Variants in SMC6 observed in about 807,000 individuals in gnomAD.
The protein encoded by SMC6 is structural maintenance of chromosomes 6, also known as structural maintenance of chromosomes protein 6.
SMC6 carries 79 observed loss-of-function variants against 142.2 expected under a neutral mutation model. The ratio of observed to expected loss-of-function variants is 0.56; its 90% CI spans 0.46 to 0.67. The LOEUF is 0.67. Ranked by LOEUF, SMC6 falls within the 30% of genes least tolerant of loss-of-function variation. SMC6 has a pLI of 0.00. For synonymous variants in SMC6, 411 were observed against 412.4 expected, an observed-to-expected ratio of 1.00 and a Z score of 0.04; for missense variants, 1,072 against 1,284.0, an observed-to-expected ratio of 0.83 and a Z score of 2.52.
chr2:17,745,623 A>T (rs950876908), intron 3 of SMC6, among the ~76,000 whole-genome samples: 1 of 151,822 alleles, frequency 6.6e-6, no homozygotes, highest in African/African-American at 2.4e-5. Context: ...TTTTATTCAC[A>T]TTTCTATACA....
At chr2:17,722,941 G>T (rs1316464143) in intron 9 of SMC6, among the ~76,000 whole-genome samples, 1 of 149,430 alleles carries the variant, frequency 6.7e-6, no homozygotes, top group African/African-American at 2.5e-5. Context: ...TTTCCACTTG[G>T]ATGCTTTTAT....
intron 23 of SMC6, among the ~76,000 whole-genome samples, chr2:17,684,655 T>G (rs1667370096): frequency 1.3e-5 from 2 of 151,940 alleles, no homozygotes; most frequent in South Asian, 4.2e-4. Context: ...AAGATTCTGT[T>G]TCTACAAATA....
In SMC6 at chr2:17,707,231, T is replaced by A; in HGVS notation, c.1994A>T (p.Asp665Val). 6.3e-7 allele frequency: 1 copy of A among 1,586,236 alleles called. No homozygotes were observed. The highest frequency in any genetic ancestry group is 8.6e-7 in the Non-Finnish European group (1 of 1,168,926). The stretch of plus-strand genomic sequence containing the variant: ...ACTTGACTCTAACCTTATTTCAGAA[T>A]CCACATCTCTGCTTAGGAACTTAGG... Reference protein sequence around the residue: ...TRPKFLSRDVDSEISDLENEV... With the variant: ...TRPKFLSRDVVSEISDLENEV... Residue 665 changes from aspartate (D) to valine (V), a missense_variant, in exon 18 of 28, where the codon GAT becomes GTT. This residue lies in a region of SMC6 where 994 missense variants were observed against 1,153.2 expected (regional missense o/e 0.86). Coordinates refer to ENST00000448223, the MANE Select transcript of SMC6 (RefSeq NM_001142286.2).
intron 25 of SMC6, among the ~76,000 whole-genome samples, chr2:17,675,976 A>T (rs1666980296): frequency 6.6e-6 from 1 of 151,850 alleles, no homozygotes. Flanking sequence ...TCCTATCGGG[A>T]CTCCAATTAT....
chr2:17,700,133 A>T, intron 21 of SMC6, 75 bp downstream of exon 21: 1 of 973,366 alleles, frequency 1.0e-6, no homozygotes, highest in Non-Finnish European at 1.5e-6. Context: ...CTTTTAGGCC[A>T]ATATCCATAG....
chr2:17,674,957 T>G (rs947569492), intron 25 of SMC6, among the ~76,000 whole-genome samples: 1 of 152,120 alleles, frequency 6.6e-6, no homozygotes, highest in African/African-American at 2.4e-5. Flanking sequence ...TTTTTGTATT[T>G]TTCTTTTCAG....
intron 21 of SMC6, among the ~76,000 whole-genome samples, chr2:17,696,679 G>A (rs1668004072): frequency 6.6e-6 from 1 of 151,948 alleles, no homozygotes; most frequent in South Asian, 2.1e-4. Flanking sequence ...GTGTTTTTGG[G>A]GGAATCCACA....
At chr2:17,685,644 T>C (rs1667419991) in intron 23 of SMC6, among the ~76,000 whole-genome samples, 1 of 151,274 alleles carries the variant, frequency 6.6e-6, no homozygotes. Flanking sequence ...CATATAGAAG[T>C]ACTAAAAAAT....
chr2:17,671,149 C>T (rs933001850), intron 25 of SMC6, among the ~76,000 whole-genome samples: 2 of 151,658 alleles, frequency 1.3e-5, no homozygotes, highest in Admixed American at 6.6e-5. Flanking sequence ...GCTGGGATTA[C>T]AGGTGTAAGC....
At chr2:17,740,341 A>G (rs1202950523) in intron 4 of SMC6, among the ~76,000 whole-genome samples, 1 of 152,192 alleles carries the variant, frequency 6.6e-6, no homozygotes, top group Non-Finnish European at 1.5e-5. Flanking sequence ...CACATAACCT[A>G]GCTTCCTATT....
intron 23 of SMC6, 95 bp from the exon 24 acceptor site, chr2:17,683,858 G>T: frequency 8.6e-7 from 1 of 1,167,502 alleles, no homozygotes; most frequent in Non-Finnish European, 1.3e-6. Context: ...AGAACAGGGA[G>T]GGGCAGAGAG....
intron 18 of SMC6, 135 bp downstream of exon 18, chr2:17,707,084 G>T: frequency 1.8e-6 from 1 of 562,668 alleles, no homozygotes. Flanking sequence ...CTAGCTAAGT[G>T]ATGTTTTAAG....
chr2:17,749,601 T>A lies in SMC6; in HGVS notation c.-6+3377A>T, dbSNP rs760228760. ...TACTCAGGAGGCTGAGGCAGAAGAA[T>A]GGCTTAAACCCAGGAGGCGGAGGTT... On this transcript the variant is annotated intron_variant, in intron 2 of 27. Transcript: ENST00000448223. Among the ~76,000 whole-genome samples, 15 of 151,928 alleles carry A rather than the reference T, an allele frequency of 9.9e-5. 1 individual carries two copies. The highest frequency in any genetic ancestry group is 2.1e-4 in the Non-Finnish European group (14 of 67,984).
chr2:17,730,771 T>C (rs1669874307), intron 7 of SMC6, among the ~76,000 whole-genome samples: 1 of 145,130 alleles, frequency 6.9e-6, no homozygotes, highest in Non-Finnish European at 1.5e-5. Flanking sequence ...CCCAGCTAAT[T>C]TTTTTTTTTT....
rs1028946950 is a variant in SMC6, at chr2:17,696,544, A to G, written c.2395-118T>C. The G allele has an allele frequency of 1.0e-5, 10 of 986,690 alleles. No homozygotes were observed. In the African/African-American group the frequency reaches 1.3e-4, roughly 13 times the overall value. 61.1% of individuals were successfully genotyped at this position (986,690 alleles called of 1,614,324 possible). ...TATGCTGTTTGAAGAGGCAAGTGTTATTATATCCATATGTGTCTGAATAGA... is the reference window on the plus strand; with the variant it reads ...TATGCTGTTTGAAGAGGCAAGTGTTGTTATATCCATATGTGTCTGAATAGA... On this transcript the variant is annotated intron_variant, in intron 21 of 27. Transcript: ENST00000448223.
intron 4 of SMC6, 56 bp downstream of exon 4, chr2:17,741,556 G>C (rs1006942472): frequency 6.5e-6 from 7 of 1,073,252 alleles, no homozygotes; most frequent in African/African-American, 1.6e-5. Context: ...AAAAGTTAAC[G>C]TACTCTAATC....
At chr2:17,727,611 T>G (rs1348481128) in intron 7 of SMC6, among the ~76,000 whole-genome samples, 2 of 152,038 alleles carry the variant, frequency 1.3e-5, no homozygotes, top group Non-Finnish European at 2.9e-5. Context: ...AGTTAAGATA[T>G]CAAAGTACAA....
Position 17,718,062 on chromosome 2 carries a change from GA to G in SMC6, c.1092+14del. On this transcript the variant is annotated intron_variant, in intron 12 of 27. Coordinates refer to ENST00000448223, the MANE Select transcript of SMC6 (RefSeq NM_001142286.2). ...GTGTGGCTTTTAAAATTCCAGTTTA[GA>G]AAATTTATCTCACCTCAGCTTCATT... 1 of 1,586,098 alleles carries G rather than the reference GA, an allele frequency of 6.3e-7. No homozygotes were observed. The highest frequency in any genetic ancestry group is 8.6e-7 in the Non-Finnish European group (1 of 1,169,540).
intron 21 of SMC6, among the ~76,000 whole-genome samples, chr2:17,698,859 G>C (rs1668135120): frequency 6.6e-6 from 1 of 151,916 alleles, no homozygotes; most frequent in African/African-American, 2.4e-5. Context: ...TTTTTTAGTA[G>C]CTGCTGTAGG....
Sources: gnomAD v4.1 joint callset for allele counts (sites outside exome capture counted in the v4.1 genomes callset) on GRCh38, gnomAD v4.1.1 for gene constraint, gnomAD v4.1.1 regional missense constraint, MANE v1.5 for transcripts, NCBI Gene and HGNC (gene_info 2026-07-23, HGNC 2026-07-21) for gene names.